Variants in RMDN2 observed in about 807,000 individuals in gnomAD.
The protein encoded by RMDN2 is regulator of microtubule dynamics 2.
RMDN2 carries 61 observed loss-of-function variants against 52.8 expected under a neutral mutation model. That is an observed-to-expected ratio of 1.16 (90% CI 0.94 to 1.43). The LOEUF (loss-of-function observed/expected upper bound fraction) is 1.43. RMDN2 is among the 40% of genes most tolerant of loss of function. The pLI is 0.00. For missense variants in RMDN2, 592 were observed against 475.3 expected, an observed-to-expected ratio of 1.25 and a Z score of -2.28; for synonymous variants, 180 against 153.1, an observed-to-expected ratio of 1.18 and a Z score of -1.30.
At chr2:37,955,039 G>A (rs1353275084) in intron 2 of RMDN2, among the ~76,000 whole-genome samples, 1 of 151,938 alleles carries the variant, frequency 6.6e-6, no homozygotes, top group Non-Finnish European at 1.5e-5. Flanking sequence ...TTTATATGTT[G>A]ATTTTCTATC....
At chr2:37,984,217 A>G (rs892182903) in intron 5 of RMDN2, among the ~76,000 whole-genome samples, 4 of 152,234 alleles carry the variant, frequency 2.6e-5, no homozygotes, top group Admixed American at 1.3e-4. Context: ...TATGCTTTCT[A>G]TAAGATTCAG....
intron 2 of RMDN2, among the ~76,000 whole-genome samples, chr2:37,945,393 T>G (rs746164340): frequency 6.6e-6 from 1 of 152,182 alleles, no homozygotes; most frequent in African/African-American, 2.4e-5. Context: ...TGGTCATGGA[T>G]TCCAATTTGG....
chr2:37,959,680 A>G (rs1669948530), intron 2 of RMDN2, among the ~76,000 whole-genome samples: 1 of 150,436 alleles, frequency 6.6e-6, no homozygotes, highest in South Asian at 2.1e-4. Flanking sequence ...GTTATTTCTC[A>G]TCTTCTGCTA....
At position 37,984,663 on chromosome 2, in the gene RMDN2, G is replaced by A. The variant is rs1673763957; in HGVS notation, c.791+3320G>A. ...GAAATACTGCAGGGAAATTAATGGAGTTGTTTTAGTAGTTGTTGAAACAGT... is the reference window on the plus strand; with the variant it reads ...GAAATACTGCAGGGAAATTAATGGAATTGTTTTAGTAGTTGTTGAAACAGT... On this transcript the variant is annotated intron_variant, in intron 5 of 10. Coordinates refer to ENST00000354545, the MANE Select transcript of RMDN2 (RefSeq NM_001170791.3). 2.0e-5 allele frequency among the ~76,000 whole-genome samples: 3 copies of A among 152,238 alleles called. No homozygotes were observed. The South Asian group carries it at 6.2e-4, about 32-fold the overall frequency.
At chr2:37,925,038 AGG>A (rs1283539202), upstream of RMDN2, among the ~76,000 whole-genome samples, 3 of 152,130 alleles carry the variant, frequency 2.0e-5, no homozygotes, top group Admixed American at 2.0e-4. Context: ...GCAACGCGAG[AGG>A]GAACGCGCTG....
At chr2:37,982,272 C>T (rs1450065300) in intron 5 of RMDN2, among the ~76,000 whole-genome samples, 2 of 152,168 alleles carry the variant, frequency 1.3e-5, no homozygotes, top group African/African-American at 2.4e-5. Context: ...TCTTTTTTCA[C>T]TCTGCCACCA....
At chr2:38,066,019 C>A (rs767565904) in intron 10 of RMDN2, among the ~76,000 whole-genome samples, 2 of 152,130 alleles carry the variant, frequency 1.3e-5, no homozygotes, top group African/African-American at 2.4e-5. Flanking sequence ...CCTATAAATC[C>A]AAACACAGGC....
chr2:38,017,582 C>T lies in RMDN2; in HGVS notation c.*343C>T, dbSNP rs1465648414. 7 of 1,224,552 alleles carry T rather than the reference C, an allele frequency of 5.7e-6. No individual in the cohort carries two copies. Among genetic ancestry groups the T allele is most frequent in the African/African-American group, 1.6e-5 (1 of 63,502 alleles). The allele number at this position is 1,224,552 out of a possible 1,614,324, so 75.9% of individuals were successfully genotyped here. The stretch of plus-strand genomic sequence containing the variant: ...TATTTTATTGTTTCAATGGAGACTT[C>T]GTAAGACAAAATAATTTCATTAATG... On this transcript the variant is annotated 3_prime_UTR_variant, in exon 11 of 11. Transcript: ENST00000354545.
chr2:37,948,799 A>G (rs960769981), intron 2 of RMDN2, among the ~76,000 whole-genome samples: 1 of 152,182 alleles, frequency 6.6e-6, no homozygotes, highest in Non-Finnish European at 1.5e-5. Context: ...TTGTGTCTGC[A>G]TAATCATAGA....
At chr2:38,056,165 G>A (rs1681849212) in intron 10 of RMDN2, among the ~76,000 whole-genome samples, 1 of 152,154 alleles carries the variant, frequency 6.6e-6, no homozygotes, top group Admixed American at 6.5e-5. Context: ...GATCCAGTGG[G>A]GAGCAGGTCC....
At chr2:38,002,416 G>A (rs1489201182) in intron 8 of RMDN2, among the ~76,000 whole-genome samples, 1 of 152,136 alleles carries the variant, frequency 6.6e-6, no homozygotes, top group Admixed American at 6.5e-5. Context: ...ATGAAATACA[G>A]CTATTGAAAA....
chr2:37,952,072 C>G, intron 2 of RMDN2: 3 of 1,613,200 alleles, frequency 1.9e-6, no homozygotes, highest in Middle Eastern at 1.7e-4. Context: ...TTTTCTTCAT[C>G]TTATAAAAAT....
chr2:37,961,047 C>G (rs1245410530), intron 2 of RMDN2, among the ~76,000 whole-genome samples: 1 of 152,190 alleles, frequency 6.6e-6, no homozygotes, highest in African/African-American at 2.4e-5. Flanking sequence ...AGGGTTTCTG[C>G]AGAGAGATCT....
chr2:37,979,417 C>T (rs1451784713), intron 4 of RMDN2, among the ~76,000 whole-genome samples: 2 of 152,088 alleles, frequency 1.3e-5, no homozygotes, highest in Non-Finnish European at 2.9e-5. Flanking sequence ...TCAGACCAGC[C>T]GTGGAAGAAC....
At chr2:37,963,907 C>G (rs77116712) in intron 2 of RMDN2, among the ~76,000 whole-genome samples, 1 of 147,342 alleles carries the variant, frequency 6.8e-6, no homozygotes, top group African/African-American at 2.5e-5. Flanking sequence ...CAGAGGCGCC[C>G]CCCCACCTCC....
rs957509892 is a variant in RMDN2, at chr2:37,929,747, A to G, written c.452+18A>G. On this transcript the variant is annotated intron_variant, in intron 2 of 10. Transcript: ENST00000354545. The stretch of plus-strand genomic sequence containing the variant: ...GAAGGAGGGTAAGTTTCTTTAAGAT[A>G]TTTCCTATGTTGAATTGGTTATTAT... 13 of 1,448,508 alleles carry G rather than the reference A, an allele frequency of 9.0e-6. No homozygotes were observed. Among genetic ancestry groups the G allele is most frequent in the Admixed American group, 8.4e-5 (3 of 35,784 alleles). 89.7% of individuals were successfully genotyped at this position (1,448,508 alleles called of 1,614,324 possible).
At chr2:38,031,493 C>T (rs1234710739) in intron 10 of RMDN2, among the ~76,000 whole-genome samples, 1 of 151,934 alleles carries the variant, frequency 6.6e-6, no homozygotes, top group African/African-American at 2.4e-5. Context: ...TGTGAATTTT[C>T]ACTTCTACAG....
At chr2:37,932,930 C>T (rs1572685136) in intron 2 of RMDN2, among the ~76,000 whole-genome samples, 1 of 151,396 alleles carries the variant, frequency 6.6e-6, no homozygotes, top group Non-Finnish European at 1.5e-5. Context: ...CCCCCACCTC[C>T]CTCCCGGACG....
At chr2:38,049,827 C>T in intron 10 of RMDN2, among the ~76,000 whole-genome samples, 1 of 152,228 alleles carries the variant, frequency 6.6e-6, no homozygotes, top group Non-Finnish European at 1.5e-5. Flanking sequence ...CATCAGCCTC[C>T]CAAAATGGTA....
Sources: allele counts gnomAD v4.1 joint callset (sites outside exome capture counted in the v4.1 genomes callset), GRCh38; gene constraint gnomAD v4.1.1; transcripts MANE v1.5; gene names NCBI Gene and HGNC (gene_info 2026-07-23, HGNC 2026-07-21).